GALNT18: variants seen among roughly 807,000 people sequenced by gnomAD.
The protein encoded by GALNT18 is polypeptide N-acetylgalactosaminyltransferase 18.
Under a neutral mutation model 69.5 loss-of-function variants are expected in GALNT18, and 44 were observed. That is an observed-to-expected ratio of 0.63 (90% confidence interval 0.50 to 0.81). GALNT18 has a LOEUF of 0.81. GALNT18 is among the 40% of genes least tolerant of loss of function. The pLI is 0.00. For missense variants in GALNT18, 715 were observed against 810.0 expected, an observed-to-expected ratio of 0.88 and a Z score of 1.42; for synonymous variants, 364 against 318.2, an observed-to-expected ratio of 1.14 and a Z score of -1.53.
chr11:11,376,072 C>A (rs1374653133), intron 5 of GALNT18, among the ~76,000 whole-genome samples: 1 of 152,080 alleles, frequency 6.6e-6, no homozygotes, highest in Non-Finnish European at 1.5e-5. Flanking sequence ...ATAAAGACAC[C>A]CACCGTATCA....
chr11:11,433,906 C>T (rs1343208808), intron 2 of GALNT18, among the ~76,000 whole-genome samples: 1 of 152,076 alleles, frequency 6.6e-6, no homozygotes, highest in Non-Finnish European at 1.5e-5. Flanking sequence ...GGCTCCAGGG[C>T]GTTAGGGCTG....
chr11:11,602,179 C>A lies in GALNT18; in HGVS notation c.235+19180G>T, dbSNP rs187645033. On this transcript the variant is annotated intron_variant, in intron 1 of 10. Transcript: ENST00000227756. This position sits in a 1 kb window ranked among gnomAD's most constrained non-coding sequence, Gnocchi z 4.7. The stretch of plus-strand genomic sequence containing the variant: ...CTAATTCTTTCTCCCAGAGTGACAT[C>A]CCTGCTGTATGAGTAGGGTGCTGGG... Among the ~76,000 whole-genome samples, 15 of 152,294 alleles carry A rather than the reference C, an allele frequency of 9.8e-5. No homozygotes were observed. Among genetic ancestry groups the A allele is most frequent in the African/African-American group, 3.4e-4 (14 of 41,574 alleles).
rs758483374 is a variant in GALNT18 at position 11,293,013 on chromosome 11, G to T, written c.1677+16C>A. On this transcript the variant is annotated intron_variant, in intron 10 of 10. Coordinates refer to ENST00000227756, the MANE Select transcript of GALNT18 (RefSeq NM_198516.3). The stretch of plus-strand genomic sequence containing the variant: ...CCACGATGGCTGCCACTGTGCCCGG[G>T]CTCTGGGGCTGTTACCTGAGAGAAC... 1 of 1,356,672 alleles carries T rather than the reference G, an allele frequency of 7.4e-7. No individual in the cohort carries two copies. The highest frequency in any genetic ancestry group is 9.6e-7 in the Non-Finnish European group (1 of 1,044,754). The allele number at this position is 1,356,672 out of a possible 1,614,324, so 84.0% of individuals were successfully genotyped here. A position where few individuals can be genotyped will look rare whatever the true frequency, so the allele number is the denominator to read the frequency against.
chr11:11,438,750 T>C (rs1855466402), intron 2 of GALNT18, among the ~76,000 whole-genome samples: 1 of 151,944 alleles, frequency 6.6e-6, no homozygotes, highest in Non-Finnish European at 1.5e-5. Context: ...AGGGGCGAAA[T>C]GAAGGAGTTG....
Position 11,621,448 on chromosome 11 carries a change from T to C in GALNT18, c.146A>G (p.Asp49Gly), listed in dbSNP as rs371188302. The change falls in exon 1 of 11, where the codon GAC becomes GGC. Residue 49 changes from aspartate to glycine, a missense_variant. Transcript: ENST00000227756. This position sits in a 1 kb window ranked among gnomAD's most constrained non-coding sequence, Gnocchi z 9.3. ...CCCTTTGTCTTCCTCCAGCTTCTTG[T>C]CGGGCGCCGGCTCCTGCCCCCGCAC... The part of the protein sequence containing the change: ...VYVRGQEPAP[D>G]KKLEEDKGDT... 1.9e-6 allele frequency: 3 copies of C among 1,614,022 alleles called. No individual in the cohort carries two copies. In the African/African-American group the frequency reaches 4.0e-5, roughly 22 times the overall value.
At chr11:11,520,119 G>C (rs1857362573) in intron 1 of GALNT18, among the ~76,000 whole-genome samples, 2 of 152,340 alleles carry the variant, frequency 1.3e-5, no homozygotes, top group South Asian at 4.1e-4. Context: ...CAGTGCCCTT[G>C]GGCGATGTTT....
At chr11:11,323,447 A>T (rs750823978) in intron 9 of GALNT18, among the ~76,000 whole-genome samples, 1 of 152,248 alleles carries the variant, frequency 6.6e-6, no homozygotes, top group Non-Finnish European at 1.5e-5. Context: ...GTCAAATTCC[A>T]TTAGCTCTTA....
rs1047014675 is a variant in GALNT18, at chr11:11,590,671, C to T, written c.235+30688G>A. On this transcript the variant is annotated intron_variant, in intron 1 of 10. Coordinates refer to ENST00000227756, the MANE Select transcript of GALNT18 (RefSeq NM_198516.3). This position sits in a 1 kb window ranked among gnomAD's most constrained non-coding sequence, Gnocchi z 4.4. ...ACTTGAATCTTGTACAGTCACCCAC[C>T]GCATGACGTTCGCTCAATGACAGAA... 6.6e-6 allele frequency among the ~76,000 whole-genome samples: 1 copy of T among 152,160 alleles called. No homozygotes were observed. The highest frequency in any genetic ancestry group is 1.5e-5 in the Non-Finnish European group (1 of 68,024).
intron 9 of GALNT18, among the ~76,000 whole-genome samples, chr11:11,297,180 C>G (rs551218676): frequency 6.6e-6 from 1 of 151,994 alleles, no homozygotes; most frequent in African/African-American, 2.4e-5. Context: ...CACAGGACAG[C>G]CCCCCACAGC....
chr11:11,318,962 G>C lies in GALNT18; in HGVS notation c.1512+8124C>G, dbSNP rs1033444385. ...TCTGTCTGTGTAGAAAAGATCACAT[G>C]AAAGGCTATAATTTTATTTCCCCAT... On this transcript the variant is annotated intron_variant, in intron 9 of 10. Coordinates refer to ENST00000227756, the MANE Select transcript of GALNT18 (RefSeq NM_198516.3). This position sits in a 1 kb window ranked among gnomAD's most constrained non-coding sequence, Gnocchi z 5.1. Among the ~76,000 whole-genome samples, 1 of 152,206 alleles carries C rather than the reference G, an allele frequency of 6.6e-6. No homozygotes were observed. Among genetic ancestry groups the C allele is most frequent in the Non-Finnish European group, 1.5e-5 (1 of 68,042 alleles).
At chr11:11,499,147 G>T (rs1856926051) in intron 1 of GALNT18, among the ~76,000 whole-genome samples, 1 of 152,162 alleles carries the variant, frequency 6.6e-6, no homozygotes, top group East Asian at 1.9e-4. Flanking sequence ...TATATGATCA[G>T]CCAGCCTTAG....
At chr11:11,553,856 G>T (rs1858260367) in intron 1 of GALNT18, among the ~76,000 whole-genome samples, 1 of 152,168 alleles carries the variant, frequency 6.6e-6, no homozygotes, top group Non-Finnish European at 1.5e-5. Context: ...CAGTGTAGCT[G>T]AGAAATCCAT....
Position 11,463,513 on chromosome 11 carries a change from G to A in GALNT18, c.236-14577C>T, listed in dbSNP as rs1200756916. On this transcript the variant is annotated intron_variant, in intron 1 of 10. Coordinates refer to ENST00000227756, the MANE Select transcript of GALNT18 (RefSeq NM_198516.3). The surrounding 1 kb of genome is among the most constrained non-coding windows in gnomAD (Gnocchi z 4.2). ...AGGTCTGCTTACACGTCCCCTGGGA[G>A]CCCTAGCTGTTGTGGCCCCAGGGCT... 1.3e-5 allele frequency among the ~76,000 whole-genome samples: 2 copies of A among 152,192 alleles called. No homozygotes were observed. Among genetic ancestry groups the A allele is most frequent in the Non-Finnish European group, 2.9e-5 (2 of 68,028 alleles).
intron 10 of GALNT18, among the ~76,000 whole-genome samples, chr11:11,286,901 A>G (rs574637099): frequency 2.0e-5 from 3 of 152,344 alleles, no homozygotes; most frequent in African/African-American, 4.8e-5. Context: ...AGGGTTTGCC[A>G]TCTAACTTCG....
Position 11,347,886 on chromosome 11 carries a change from G to A in GALNT18, c.1093-6882C>T, listed in dbSNP as rs144236339. ...ACCAGCAGGCTATGGGGAGGAAGACGAGGTGGATGCAGGCTGAGGCTGAGG... is the reference window on the plus strand; with the variant it reads ...ACCAGCAGGCTATGGGGAGGAAGACAAGGTGGATGCAGGCTGAGGCTGAGG... On this transcript the variant is annotated intron_variant, in intron 6 of 10. Transcript: ENST00000227756. The surrounding 1 kb of genome is among the most constrained non-coding windows in gnomAD (Gnocchi z 4.0). Among the ~76,000 whole-genome samples, 834 of 152,314 alleles carry A rather than the reference G, an allele frequency of 5.5e-3. 7 individuals are homozygous for A. Among genetic ancestry groups the A allele is most frequent in the African/African-American group, 0.019 (789 of 41,556 alleles).
At chr11:11,327,519 A>C (rs1307431041) in intron 8 of GALNT18, among the ~76,000 whole-genome samples, 1 of 152,228 alleles carries the variant, frequency 6.6e-6, no homozygotes, top group Non-Finnish European at 1.5e-5. Context: ...TGTCCCTGAG[A>C]GAAATCTTTG....
At chr11:11,359,560 ACTCTGGCTCAGCC>A (rs1455245261) in intron 6 of GALNT18, among the ~76,000 whole-genome samples, 1 of 151,600 alleles carries the variant, frequency 6.6e-6, no homozygotes, top group Non-Finnish European at 1.5e-5. Flanking sequence ...GACTCTGTGG[ACTCTGGCTCAGCC>A]CTCCACTGTT....
chr11:11,270,881 C>G lies in GALNT18; in HGVS notation c.*263G>C, dbSNP rs72859239. The G allele has an allele frequency of 0.14, 45,645 of 334,778 alleles. 3,510 individuals carry two copies. The highest frequency in any genetic ancestry group is 0.21 in the East Asian group (4,346 of 21,136). 20.7% of individuals were successfully genotyped at this position (334,778 alleles called of 1,614,324 possible). A position where few individuals can be genotyped will look rare whatever the true frequency, so the allele number is the denominator to read the frequency against. On this transcript the variant is annotated 3_prime_UTR_variant, in exon 11 of 11. Coordinates refer to ENST00000227756, the MANE Select transcript of GALNT18 (RefSeq NM_198516.3). ...CACCAAATGACTGCAAAACCCTTTTCTTAATAATATTTTATTGTCAGTTAT... is the reference window on the plus strand; with the variant it reads ...CACCAAATGACTGCAAAACCCTTTTGTTAATAATATTTTATTGTCAGTTAT...
chr11:11,408,141 G>A (rs1448637085), intron 3 of GALNT18, among the ~76,000 whole-genome samples: 5 of 152,102 alleles, frequency 3.3e-5, no homozygotes, highest in African/African-American at 7.2e-5. Context: ...CAAGGCAGGC[G>A]GATCACTTGA....
Sources: allele counts gnomAD v4.1 joint callset (sites outside exome capture counted in the v4.1 genomes callset), GRCh38; gene constraint gnomAD v4.1.1; non-coding constraint Gnocchi (gnomAD v3.1); transcripts MANE v1.5; gene names NCBI Gene and HGNC (gene_info 2026-07-23, HGNC 2026-07-21).